DPYS: variants seen among roughly 807,000 people sequenced by gnomAD.
The protein encoded by DPYS is dihydropyrimidine amidohydrolase.
A neutral mutation model predicts 50.3 loss-of-function variants in DPYS; 39 were observed. The observed-to-expected ratio is 0.78, with a 90% CI of 0.60 to 1.01. DPYS has a LOEUF of 1.01. Among genes scored for constraint, DPYS ranks in the 50% least tolerant of loss-of-function variants. The pLI is 0.00. For missense variants in DPYS, 659 were observed against 680.9 expected (o/e 0.97, Z 0.36); for synonymous variants, 245 against 250.7 (o/e 0.98, Z 0.22).
At chr8:104,438,091 A>C (rs149019363) in intron 4 of DPYS, among the ~76,000 whole-genome samples, 20 of 152,310 alleles carry the variant, frequency 1.3e-4, no homozygotes, top group African/African-American at 4.6e-4. Flanking sequence ...CTTAAAAATT[A>C]CCTGAAAATC....
chr8:104,434,596 C>A (rs1813065727), intron 4 of DPYS, among the ~76,000 whole-genome samples: 1 of 152,134 alleles, frequency 6.6e-6, no homozygotes, highest in Non-Finnish European at 1.5e-5. Flanking sequence ...AAAACCAAAA[C>A]CAAACGAAAT....
intron 4 of DPYS, 29 bp downstream of exon 4, chr8:104,444,219 T>C: frequency 6.2e-7 from 1 of 1,613,020 alleles, no homozygotes; most frequent in Non-Finnish European, 8.5e-7. Flanking sequence ...TAACACTGAG[T>C]TCTAAGTGAG....
In DPYS at chr8:104,447,327, T is replaced by A; in HGVS notation, c.600A>T (p.Ala200=). The change falls in exon 3 of 10, where the codon GCA becomes GCT. Residue 200 remains alanine, a synonymous_variant. Coordinates refer to ENST00000351513, the MANE Select transcript of DPYS (RefSeq NM_001385.3). Reference sequence around the variant, plus strand: ...GCTTTGGAATGCAAATGCGTACCTCTGCAATTAAGTCTCCATTTTCCGCAT... The same window carrying A: ...GCTTTGGAATGCAAATGCGTACCTCAGCAATTAAGTCTCCATTTTCCGCAT... ...QVHAENGDLI[A]EGAKKMLALG... is the part of the protein sequence containing the mutation. The A allele has an allele frequency of 6.2e-7, 1 of 1,614,172 alleles. No homozygotes were observed. Among genetic ancestry groups the A allele is most frequent in the Non-Finnish European group, 8.5e-7 (1 of 1,180,028 alleles).
chr8:104,460,816 A>C (rs941792332), intron 1 of DPYS, among the ~76,000 whole-genome samples: 1 of 152,148 alleles, frequency 6.6e-6, no homozygotes, highest in African/African-American at 2.4e-5. Context: ...GTAATCATTA[A>C]ACAGCCATTC....
intron 7 of DPYS, 66 bp downstream of exon 7, chr8:104,424,181 T>C: frequency 6.2e-7 from 1 of 1,612,620 alleles, no homozygotes; most frequent in Middle Eastern, 1.7e-4. Flanking sequence ...GCCAAAGCAT[T>C]ATTTCTGTGC....
chr8:104,460,511 C>T (rs1373743765), intron 1 of DPYS, among the ~76,000 whole-genome samples: 1 of 152,194 alleles, frequency 6.6e-6, no homozygotes, highest in Non-Finnish European at 1.5e-5. Flanking sequence ...AACCTCTTTT[C>T]TTTATAAATT....
intron 1 of DPYS, among the ~76,000 whole-genome samples, chr8:104,464,586 TAA>T (rs1018076049): frequency 5.9e-5 from 9 of 152,324 alleles, no homozygotes; most frequent in Admixed American, 5.9e-4. Context: ...TTGTTAATGA[TAA>T]GTCTGTAATA....
intron 7 of DPYS, among the ~76,000 whole-genome samples, chr8:104,410,642 G>C (rs1564089313): frequency 6.6e-6 from 1 of 152,024 alleles, no homozygotes. Flanking sequence ...ACTGGTGCCA[G>C]GCAAATTGGG....
intron 8 of DPYS, among the ~76,000 whole-genome samples, chr8:104,386,218 A>G (rs903800130): frequency 2.6e-5 from 4 of 152,234 alleles, no homozygotes; most frequent in African/African-American, 9.6e-5. Context: ...GGAAAAAGGA[A>G]GACATAAGTT....
intron 4 of DPYS, among the ~76,000 whole-genome samples, chr8:104,433,524 C>CT (rs1254829491): frequency 6.6e-6 from 1 of 152,058 alleles, no homozygotes; most frequent in Non-Finnish European, 1.5e-5. Context: ...GTCCCAGCTA[C>CT]TTGGGAGGCT....
chr8:104,446,660 T>C (rs1413712399), intron 3 of DPYS, among the ~76,000 whole-genome samples: 1 of 152,192 alleles, frequency 6.6e-6, no homozygotes, highest in Non-Finnish European at 1.5e-5. Flanking sequence ...TCCCTTCTCA[T>C]TATTCCTCTC....
intron 8 of DPYS, 138 bp from the exon 9 acceptor site, chr8:104,381,452 C>G: frequency 1.2e-6 from 1 of 800,550 alleles, no homozygotes; most frequent in Non-Finnish European, 2.1e-6. Context: ...TCCCCTTGGC[C>G]TTTCACGGAA....
chr8:104,450,620 C>A (rs1044513973), intron 2 of DPYS, among the ~76,000 whole-genome samples: 2 of 152,258 alleles, frequency 1.3e-5, no homozygotes, highest in East Asian at 1.9e-4. Context: ...ATGGCCTGGG[C>A]AATTAGTGGA....
At chr8:104,431,195 C>G (rs184403146) in intron 4 of DPYS, among the ~76,000 whole-genome samples, 1 of 152,234 alleles carries the variant, frequency 6.6e-6, no homozygotes, top group Non-Finnish European at 1.5e-5. Context: ...ATGTTCTATT[C>G]AATCACTTGG....
chr8:104,387,105 C>T (rs1588395992), intron 8 of DPYS, among the ~76,000 whole-genome samples: 1 of 152,052 alleles, frequency 6.6e-6, no homozygotes, highest in African/African-American at 2.4e-5. Context: ...ACAGTGACTC[C>T]CTGAGAATGA....
intron 4 of DPYS, 143 bp from the exon 5 acceptor site, chr8:104,429,844 T>A: frequency 9.8e-7 from 1 of 1,018,460 alleles, no homozygotes; most frequent in East Asian, 2.6e-5. Context: ...AATTTACTTT[T>A]GTGGACAGGA....
intron 1 of DPYS, among the ~76,000 whole-genome samples, chr8:104,465,903 A>T (rs978013729): frequency 6.6e-6 from 1 of 152,112 alleles, no homozygotes; most frequent in Non-Finnish European, 1.5e-5. Flanking sequence ...CAGTAAAACT[A>T]TGGGTACTCC....
chr8:104,447,482 G>C lies in DPYS; in HGVS notation c.445C>G (p.Leu149Val). 1 of 1,613,902 alleles carries C rather than the reference G, an allele frequency of 6.2e-7. No individual in the cohort carries two copies. Among genetic ancestry groups the C allele is most frequent in the Non-Finnish European group, 8.5e-7 (1 of 1,179,988 alleles). Residue 149 changes from leucine (L) to valine (V), a missense_variant, in exon 3 of 10, where the codon CTT becomes GTT. Coordinates refer to ENST00000351513, the MANE Select transcript of DPYS (RefSeq NM_001385.3). ...GAGTTAACACCTTTATCTTGCACAA[G>C]GATTTTCATTTCTTCTTTAACCTAA... The part of the protein sequence containing the change: ...SDQVKEEMKI[L>V]VQDKGVNSFK...
intron 8 of DPYS, among the ~76,000 whole-genome samples, chr8:104,381,683 C>A (rs1052745500): frequency 1.3e-5 from 2 of 152,190 alleles, no homozygotes; most frequent in South Asian, 4.1e-4. Context: ...TCTCCTAACA[C>A]TCTCAGAGCA....
Sources: allele counts gnomAD v4.1 joint callset (sites outside exome capture counted in the v4.1 genomes callset), GRCh38; gene constraint gnomAD v4.1.1; transcripts MANE v1.5; gene names NCBI Gene and HGNC (gene_info 2026-07-23, HGNC 2026-07-21).